Variants in SH3RF3 observed in about 807,000 individuals in gnomAD.
SH3RF3 encodes the protein E3 ubiquitin-protein ligase SH3RF3.
Under a neutral mutation model 66.3 loss-of-function variants are expected in SH3RF3, and 29 were observed. The ratio of observed to expected loss-of-function variants is 0.44; its 90% confidence interval spans 0.33 to 0.60. SH3RF3 has a LOEUF of 0.60. Among genes scored for constraint, SH3RF3 ranks in the 20% least tolerant of loss-of-function variants. The pLI, the probability that SH3RF3 is intolerant of heterozygous loss-of-function variation, is 0.04. For synonymous variants in SH3RF3, 583 were observed against 532.0 expected (o/e 1.10, Z -1.32); for missense variants, 1,194 against 1,190.9 (o/e 1.00, Z -0.04).
intron 1 of SH3RF3, among the ~76,000 whole-genome samples, chr2:109,134,409 A>C (rs1229830248): frequency 6.6e-6 from 1 of 152,178 alleles, no homozygotes; most frequent in Non-Finnish European, 1.5e-5. Context: ...ATGACAGCTG[A>C]GTTACAGCAA....
chr2:109,375,711 T>G (rs1016385952), intron 3 of SH3RF3, among the ~76,000 whole-genome samples: 1 of 152,344 alleles, frequency 6.6e-6, no homozygotes, highest in East Asian at 1.9e-4. Flanking sequence ...CTCTGTGGCA[T>G]GAGTGCCGGG....
intron 1 of SH3RF3, among the ~76,000 whole-genome samples, chr2:109,168,657 A>C (rs1224970425): frequency 2.3e-5 from 2 of 88,326 alleles, no homozygotes; most frequent in Non-Finnish European, 4.7e-5. Flanking sequence ...GCAGCTGCTC[A>C]AACTGAAAAC....
intron 1 of SH3RF3, among the ~76,000 whole-genome samples, chr2:109,306,459 G>A (rs1035331238): frequency 4.6e-5 from 7 of 152,220 alleles, no homozygotes; most frequent in East Asian, 1.9e-4. Flanking sequence ...TGCACATACC[G>A]CAGAAGGTAT....
At chr2:109,464,689 A>G (rs1027550342) in intron 8 of SH3RF3, among the ~76,000 whole-genome samples, 1 of 152,194 alleles carries the variant, frequency 6.6e-6, no homozygotes, top group Non-Finnish European at 1.5e-5. Context: ...GTTCAGAGAA[A>G]AACTGAGCAG....
chr2:109,442,085 G>A (rs1264714864), intron 7 of SH3RF3, among the ~76,000 whole-genome samples: 32 of 152,174 alleles, frequency 2.1e-4, no homozygotes, highest in Admixed American at 2.1e-3. Flanking sequence ...GCTGAGACGG[G>A]TGGATCACGA....
At chr2:109,427,292 G>T (rs1345375168) in intron 5 of SH3RF3, among the ~76,000 whole-genome samples, 1 of 151,422 alleles carries the variant, frequency 6.6e-6, no homozygotes, top group Non-Finnish European at 1.5e-5. Flanking sequence ...CTTAATTAAG[G>T]TACTTACATT....
chr2:109,331,726 G>T (rs1682290801), intron 1 of SH3RF3, among the ~76,000 whole-genome samples: 1 of 152,122 alleles, frequency 6.6e-6, no homozygotes. Context: ...TTAGTTCCTA[G>T]AACCATGTCT....
At chr2:109,497,496 A>C (rs1233952771) in intron 9 of SH3RF3, among the ~76,000 whole-genome samples, 1 of 152,200 alleles carries the variant, frequency 6.6e-6, no homozygotes, top group African/African-American at 2.4e-5. Flanking sequence ...TGTGTCTGAA[A>C]ATTAGCTGTG....
intron 3 of SH3RF3, among the ~76,000 whole-genome samples, chr2:109,385,280 C>T (rs1401687704): frequency 3.3e-5 from 5 of 152,190 alleles, no homozygotes; most frequent in Non-Finnish European, 5.9e-5. Context: ...CACAAAACAG[C>T]GCACAAAGGG....
At chr2:109,169,526 A>C (rs1004134860) in intron 1 of SH3RF3, among the ~76,000 whole-genome samples, 4 of 152,002 alleles carry the variant, frequency 2.6e-5, no homozygotes, top group African/African-American at 7.3e-5. Context: ...TCATGGGTCC[A>C]TTTTCATTTC....
chr2:109,496,782 AG>A (rs1309776326), intron 9 of SH3RF3, among the ~76,000 whole-genome samples: 1 of 107,928 alleles, frequency 9.3e-6, no homozygotes, highest in Non-Finnish European at 1.9e-5. Context: ...CATGGCAAAG[AG>A]AAATCAGGTT....
intron 1 of SH3RF3, among the ~76,000 whole-genome samples, chr2:109,297,929 G>C (rs1019892876): frequency 2.6e-5 from 4 of 151,838 alleles, no homozygotes; most frequent in African/African-American, 9.7e-5. Context: ...CCAGATGTGT[G>C]TTCCCCCCCC....
intron 7 of SH3RF3, 26 bp downstream of exon 7, chr2:109,437,172 C>T (rs749243602): frequency 1.8e-5 from 28 of 1,587,134 alleles, no homozygotes; most frequent in Non-Finnish European, 2.3e-5. Flanking sequence ...CCTCACCCTG[C>T]AGGGCATCAA....
At chr2:109,219,138 G>T (rs1560386) in intron 1 of SH3RF3, among the ~76,000 whole-genome samples, 49,384 of 152,004 alleles carry the variant, frequency 0.32, 9,084 homozygotes, top group East Asian at 0.8. Context: ...CACCTCTCTC[G>T]CTCACACCCC....
chr2:109,340,653 T>C (rs1682537745), intron 1 of SH3RF3, among the ~76,000 whole-genome samples: 2 of 152,166 alleles, frequency 1.3e-5, no homozygotes, highest in South Asian at 4.1e-4. Context: ...CCTCAGCAAG[T>C]AGTCAATGAT....
chr2:109,359,372 T>C (rs963688367), intron 2 of SH3RF3, among the ~76,000 whole-genome samples: 23 of 152,352 alleles, frequency 1.5e-4, no homozygotes, highest in South Asian at 1.4e-3. Context: ...AGAACTGACA[T>C]CTTGACAATA....
intron 1 of SH3RF3, among the ~76,000 whole-genome samples, chr2:109,167,654 C>T (rs1361410567): frequency 6.6e-6 from 1 of 152,228 alleles, no homozygotes; most frequent in Non-Finnish European, 1.5e-5. Flanking sequence ...TCACTGCAAC[C>T]TCAGCTTCCT....
At chr2:109,497,417 C>T (rs557697970) in intron 9 of SH3RF3, among the ~76,000 whole-genome samples, 25 of 152,232 alleles carry the variant, frequency 1.6e-4, no homozygotes, top group Non-Finnish European at 2.9e-4. Context: ...ACCTCGCACA[C>T]AGAGCTAATG....
chr2:109,223,077 G>A (rs533213724), intron 1 of SH3RF3, among the ~76,000 whole-genome samples: 28 of 152,364 alleles, frequency 1.8e-4, no homozygotes, highest in South Asian at 1.2e-3. Flanking sequence ...CTGGCACCAC[G>A]CCCTGATGCT....
Sources: gnomAD v4.1 joint callset for allele counts (sites outside exome capture counted in the v4.1 genomes callset) on GRCh38, gnomAD v4.1.1 for gene constraint, MANE v1.5 for transcripts, NCBI Gene and HGNC (gene_info 2026-07-23, HGNC 2026-07-21) for gene names.